Variants in MTHFD1L observed in about 807,000 individuals in gnomAD.
MTHFD1L encodes the protein monofunctional C1-tetrahydrofolate synthase, mitochondrial.
MTHFD1L carries 81 observed loss-of-function variants against 119.5 expected under a neutral mutation model. That is an observed-to-expected ratio of 0.68 (90% confidence interval 0.57 to 0.82). MTHFD1L has a LOEUF of 0.82. Ranked by LOEUF, MTHFD1L falls within the 40% of genes least tolerant of loss-of-function variation. The probability of loss-of-function intolerance (pLI) is 0.00; values close to 1 mark genes in which losing one functional copy is unlikely to be tolerated. For missense variants in MTHFD1L, 1,125 were observed against 1,253.4 expected, an observed-to-expected ratio of 0.90 and a Z score of 1.55; for synonymous variants, 430 against 475.2, an observed-to-expected ratio of 0.90 and a Z score of 1.24.
intron 10 of MTHFD1L, among the ~76,000 whole-genome samples, chr6:150,923,537 A>ATTTATTTATTTATTTTTTTTT (rs1254981530): frequency 2.1e-5 from 2 of 95,208 alleles, no homozygotes; most frequent in African/African-American, 1.0e-4. Flanking sequence ...TTATTTATTT[A>ATTTATTTATTTATTTTTTTTT]TTTTTTCTTT....
chr6:151,087,250 AAAAT>A (rs10684000), intron 26 of MTHFD1L, among the ~76,000 whole-genome samples: 57,432 of 145,110 alleles, frequency 0.4, 11,947 homozygotes, highest in Middle Eastern at 0.5. Flanking sequence ...GGCCATCTCA[AAAAT>A]AAATAAATAA....
At chr6:151,008,716 T>G (rs1019269276) in intron 20 of MTHFD1L, among the ~76,000 whole-genome samples, 27 of 152,244 alleles carry the variant, frequency 1.8e-4, no homozygotes, top group Non-Finnish European at 4.4e-5. Context: ...AGCTGCTGTC[T>G]TGTATCCAGA....
chr6:150,989,235 G>A (rs928034038), intron 20 of MTHFD1L, among the ~76,000 whole-genome samples: 1 of 152,212 alleles, frequency 6.6e-6, no homozygotes, highest in Admixed American at 6.5e-5. Context: ...GAATGAAAGG[G>A]TATCTAAGTG....
intron 8 of MTHFD1L, among the ~76,000 whole-genome samples, chr6:150,912,140 C>T (rs552737032): frequency 6.6e-6 from 1 of 152,290 alleles, no homozygotes; most frequent in East Asian, 1.9e-4. Context: ...TGTCACCTCC[C>T]ACCAGGCCCC....
chr6:151,065,170 AG>A (rs1444871006), intron 26 of MTHFD1L, among the ~76,000 whole-genome samples: 1 of 152,034 alleles, frequency 6.6e-6, no homozygotes, highest in Non-Finnish European at 1.5e-5. Flanking sequence ...TTAATTTAGG[AG>A]TATCTGGCAT....
chr6:150,965,282 A>C (rs1354323681), intron 19 of MTHFD1L, among the ~76,000 whole-genome samples: 3 of 150,486 alleles, frequency 2.0e-5, no homozygotes, highest in East Asian at 1.9e-4. Flanking sequence ...TTGGCCAACC[A>C]AAAAAAAAAA....
chr6:150,888,377 G>A (rs923477537), intron 7 of MTHFD1L, among the ~76,000 whole-genome samples: 5 of 152,182 alleles, frequency 3.3e-5, no homozygotes, highest in Non-Finnish European at 5.9e-5. Flanking sequence ...ACCAAATACA[G>A]CAGGAAGTAG....
At chr6:150,960,997 C>A (rs1040051896) in intron 18 of MTHFD1L, among the ~76,000 whole-genome samples, 1 of 151,962 alleles carries the variant, frequency 6.6e-6, no homozygotes, top group East Asian at 1.9e-4. Context: ...TTCCATGGAA[C>A]ACCATTTCCT....
At chr6:150,868,366 A>C (rs1442936342) in intron 1 of MTHFD1L, among the ~76,000 whole-genome samples, 1 of 147,390 alleles carries the variant, frequency 6.8e-6, no homozygotes, top group Non-Finnish European at 1.5e-5. Flanking sequence ...TTGAGACGGA[A>C]TCTCACTCTG....
intron 8 of MTHFD1L, among the ~76,000 whole-genome samples, chr6:150,914,982 A>G (rs1341287531): frequency 2.0e-5 from 3 of 152,168 alleles, no homozygotes. Context: ...CTTGTTTTTA[A>G]CATATCTTTT....
chr6:150,911,151 T>C (rs1786815430), intron 8 of MTHFD1L, among the ~76,000 whole-genome samples: 1 of 152,214 alleles, frequency 6.6e-6, no homozygotes, highest in Non-Finnish European at 1.5e-5. Context: ...ATTTAATATT[T>C]TGCTTTTTTT....
At chr6:150,866,969 G>A (rs1434272521) in intron 1 of MTHFD1L, among the ~76,000 whole-genome samples, 2 of 152,138 alleles carry the variant, frequency 1.3e-5, no homozygotes. Flanking sequence ...CGGTTTCCCC[G>A]GCCAGCGGAC....
At chr6:151,092,123 C>A (rs1410836580) in intron 26 of MTHFD1L, among the ~76,000 whole-genome samples, 1 of 152,026 alleles carries the variant, frequency 6.6e-6, no homozygotes, top group African/African-American at 2.4e-5. Context: ...ACCTGCTGCC[C>A]CCTTCAACCT....
intron 20 of MTHFD1L, 124 bp downstream of exon 20, chr6:150,972,182 A>C: frequency 4.9e-6 from 4 of 818,590 alleles, no homozygotes; most frequent in Non-Finnish European, 7.8e-6. Context: ...TCTTTCATAG[A>C]GGGTCTCAAT....
Position 151,005,200 on chromosome 6 carries a change from G to A in MTHFD1L, c.2126-4619G>A, listed in dbSNP as rs151245733. Among the ~76,000 whole-genome samples, 920 of 152,160 alleles carry A rather than the reference G, an allele frequency of 6.0e-3. 13 individuals are homozygous for A. Among genetic ancestry groups the A allele is most frequent in the African/African-American group, 0.021 (858 of 41,468 alleles). Reference sequence around the variant, plus strand: ...TAAGAGTGGTTTGTCCCCTTCTCACGAGATGGGTCTTCATATCAAGGCCCC... The same window carrying A: ...TAAGAGTGGTTTGTCCCCTTCTCACAAGATGGGTCTTCATATCAAGGCCCC... On this transcript the variant is annotated intron_variant, in intron 20 of 27. Transcript: ENST00000367321.
chr6:150,869,113 T>C (rs1314382669), intron 1 of MTHFD1L, among the ~76,000 whole-genome samples: 1 of 152,206 alleles, frequency 6.6e-6, no homozygotes. Context: ...TTTTAGACAA[T>C]GCTTTTGCAC....
At chr6:150,939,337 C>T (rs11155761) in intron 13 of MTHFD1L, 55,553 of 152,086 alleles carry the variant, frequency 0.37, 12,015 homozygotes, top group African/African-American at 0.6. Flanking sequence ...AATAAAAGAC[C>T]CCAAAATAAA....
At chr6:150,967,731 C>T (rs1222109994) in intron 19 of MTHFD1L, among the ~76,000 whole-genome samples, 1 of 152,148 alleles carries the variant, frequency 6.6e-6, no homozygotes, top group African/African-American at 2.4e-5. Context: ...GTCCACGATG[C>T]TCAATGCCTC....
At chr6:150,925,082 A>T (rs982337635) in intron 10 of MTHFD1L, among the ~76,000 whole-genome samples, 6 of 152,150 alleles carry the variant, frequency 3.9e-5, no homozygotes, top group Non-Finnish European at 7.3e-5. Flanking sequence ...CACTGAGGGT[A>T]GATTACCTGC....
Sources: gnomAD v4.1 joint callset for allele counts (sites outside exome capture counted in the v4.1 genomes callset) on GRCh38, gnomAD v4.1.1 for gene constraint, MANE v1.5 for transcripts, NCBI Gene and HGNC (gene_info 2026-07-23, HGNC 2026-07-21) for gene names.